Variants in GPHN observed in about 807,000 individuals in gnomAD.
The protein encoded by GPHN is gephyrin.
GPHN carries 17 observed loss-of-function variants against 95.5 expected under a neutral mutation model. The ratio of observed to expected loss-of-function variants is 0.18; its 90% CI spans 0.12 to 0.27. GPHN has a LOEUF of 0.27. Ranked by LOEUF, GPHN falls within the 10% of genes least tolerant of loss-of-function variation. The pLI is 1.00. For synonymous variants in GPHN, 320 were observed against 322.5 expected, an observed-to-expected ratio of 0.99 and a Z score of 0.08; for missense variants, 660 against 978.1, an observed-to-expected ratio of 0.67 and a Z score of 4.34.
At chr14:67,460,165 C>T in the GPHN span, among the ~76,000 whole-genome samples, 1 of 152,134 alleles carries the variant, frequency 6.6e-6, no homozygotes, top group Admixed American at 6.5e-5. Context: ...CCCCGCCTCC[C>T]TTTTTTTGTA....
intron 2 of GPHN, among the ~76,000 whole-genome samples, chr14:66,721,790 A>C (rs1469966097): frequency 6.6e-6 from 1 of 152,064 alleles, no homozygotes; most frequent in Non-Finnish European, 1.5e-5. Flanking sequence ...GTTTCTATCA[A>C]AAATACAAAA....
intron 9 of GPHN, among the ~76,000 whole-genome samples, chr14:67,013,907 G>A (rs1250823225): frequency 6.6e-6 from 1 of 151,940 alleles, no homozygotes; most frequent in Non-Finnish European, 1.5e-5. Context: ...CTTTCTTCCA[G>A]AAGTGTCACA....
chr14:66,853,393 G>A (rs1246129369), intron 4 of GPHN, among the ~76,000 whole-genome samples: 2 of 152,176 alleles, frequency 1.3e-5, no homozygotes, highest in African/African-American at 2.4e-5. Context: ...AGAATAGTAT[G>A]TATTAGTCTG....
chr14:67,640,005 C>T, the GPHN span, among the ~76,000 whole-genome samples: 1 of 149,612 alleles, frequency 6.7e-6, no homozygotes, highest in Non-Finnish European at 1.5e-5. Flanking sequence ...TTGATATTGA[C>T]TTGAAGGTTA....
the GPHN span, chr14:67,684,910 AG>A: frequency 1.2e-6 from 1 of 852,638 alleles, no homozygotes; most frequent in South Asian, 2.0e-5. Context: ...AAAAGACAAA[AG>A]CTATATGAGA....
the GPHN span, among the ~76,000 whole-genome samples, chr14:67,253,277 A>G: frequency 4.6e-5 from 7 of 152,196 alleles, no homozygotes; most frequent in African/African-American, 7.2e-5. Flanking sequence ...CACTCTTTCA[A>G]TGTTAGATAA....
the GPHN span, among the ~76,000 whole-genome samples, chr14:67,594,800 T>C: frequency 1.3e-5 from 2 of 152,104 alleles, no homozygotes; most frequent in African/African-American, 2.4e-5. Flanking sequence ...AAAAATGCAT[T>C]TAATATACCT....
the GPHN span, among the ~76,000 whole-genome samples, chr14:67,396,440 G>T: frequency 1.3e-5 from 2 of 151,642 alleles, no homozygotes; most frequent in Non-Finnish European, 2.9e-5. Context: ...GAGCCAATGC[G>T]CCTGGCCTCT....
the GPHN span, chr14:67,303,704 A>G: frequency 7.8e-6 from 6 of 768,940 alleles, no homozygotes; most frequent in Non-Finnish European, 1.3e-5. Context: ...ACTCAAATAA[A>G]TTCAATCATT....
At chr14:66,709,768 G>A (rs2069437559) in intron 2 of GPHN, among the ~76,000 whole-genome samples, 1 of 152,082 alleles carries the variant, frequency 6.6e-6, no homozygotes, top group South Asian at 2.1e-4. Flanking sequence ...TTATGTTTTA[G>A]CCCTTCCACT....
the GPHN span, among the ~76,000 whole-genome samples, chr14:67,458,951 G>A: frequency 3.3e-5 from 5 of 152,158 alleles, no homozygotes; most frequent in African/African-American, 9.7e-5. Context: ...GCAATGGCAC[G>A]ATCTTGGCCC....
chr14:66,570,335 G>A (rs529955834), intron 1 of GPHN, among the ~76,000 whole-genome samples: 61 of 129,128 alleles, frequency 4.7e-4, no homozygotes, highest in African/African-American at 1.2e-3. Context: ...GTTTCGCTTC[G>A]CTCTTTTTGC....
intron 1 of GPHN, among the ~76,000 whole-genome samples, chr14:66,590,669 AC>A (rs2061602374): frequency 6.6e-6 from 1 of 152,176 alleles, no homozygotes; most frequent in African/African-American, 2.4e-5. Flanking sequence ...TTAATAGCCT[AC>A]CAACCAAAAA....
intron 3 of GPHN, among the ~76,000 whole-genome samples, chr14:66,791,191 G>C (rs1054618995): frequency 6.6e-6 from 1 of 152,062 alleles, no homozygotes; most frequent in African/African-American, 2.4e-5. Context: ...TCCTTTACCT[G>C]GGTACCCCAC....
chr14:66,695,500 G>A (rs769536037), intron 2 of GPHN, among the ~76,000 whole-genome samples: 1 of 152,120 alleles, frequency 6.6e-6, no homozygotes, highest in Non-Finnish European at 1.5e-5. Context: ...CAGCAGTTTT[G>A]CCCCTTGGTA....
intron 5 of GPHN, among the ~76,000 whole-genome samples, chr14:66,908,860 A>AG (rs1376346158): frequency 6.6e-6 from 1 of 151,898 alleles, no homozygotes; most frequent in Non-Finnish European, 1.5e-5. Flanking sequence ...AAAAAAAAAA[A>AG]CTGACCAGCA....
the GPHN span, among the ~76,000 whole-genome samples, chr14:67,723,965 G>A: frequency 2.0e-5 from 3 of 152,234 alleles, no homozygotes; most frequent in Non-Finnish European, 2.9e-5. Flanking sequence ...TGGAGAGGCA[G>A]CCTAAGATCA....
chr14:67,019,366 T>C (rs182659979), intron 9 of GPHN, among the ~76,000 whole-genome samples: 3 of 152,270 alleles, frequency 2.0e-5, no homozygotes, highest in Admixed American at 2.0e-4. Flanking sequence ...GGAAAGATAG[T>C]TTTCCTAATG....
the GPHN span, among the ~76,000 whole-genome samples, chr14:67,194,471 G>T: frequency 2.0e-5 from 3 of 151,908 alleles, no homozygotes; most frequent in South Asian, 6.2e-4. Context: ...CAAAATGATG[G>T]CTTCACAGAA....
Sources: allele counts gnomAD v4.1 joint callset (sites outside exome capture counted in the v4.1 genomes callset), GRCh38; gene constraint gnomAD v4.1.1; transcripts MANE v1.5; gene names NCBI Gene and HGNC (gene_info 2026-07-23, HGNC 2026-07-21).